Variants in ECPAS observed in about 807,000 individuals in gnomAD.
ECPAS encodes the protein proteasome adapter and scaffold protein ECM29.
A neutral mutation model predicts 255.1 loss-of-function variants in ECPAS; 70 were observed. The ratio of observed to expected loss-of-function variants is 0.27; its 90% CI spans 0.23 to 0.33. The LOEUF (loss-of-function observed/expected upper bound fraction) is 0.33. Among genes scored for constraint, ECPAS ranks in the 10% least tolerant of loss-of-function variants. The pLI, the probability that ECPAS is intolerant of heterozygous loss-of-function variation, is 1.00. For missense variants in ECPAS, 1,817 were observed against 2,206.4 expected, an observed-to-expected ratio of 0.82 and a Z score of 3.54; for synonymous variants, 784 against 775.0, an observed-to-expected ratio of 1.01 and a Z score of -0.19.
intron 29 of ECPAS, 150 bp from the exon 30 acceptor site, chr9:111,390,251 T>C: frequency 1.9e-6 from 1 of 518,966 alleles, no homozygotes; most frequent in Non-Finnish European, 3.5e-6. Flanking sequence ...AGAACACAAG[T>C]TAGTAAGAAT....
At chr9:111,382,259 ACT>A (rs1491244251) in intron 35 of ECPAS, among the ~76,000 whole-genome samples, 35 of 106,952 alleles carry the variant, frequency 3.3e-4, no homozygotes, top group Non-Finnish European at 5.2e-4. Flanking sequence ...AAAAAGTGAT[ACT>A]TTTTTTTTTT....
intron 2 of ECPAS, among the ~76,000 whole-genome samples, chr9:111,458,926 C>T (rs7038405): frequency 1.3e-5 from 2 of 151,840 alleles, no homozygotes; most frequent in African/African-American, 4.8e-5. Flanking sequence ...CATAAATACA[C>T]GGCTTTCCTG....
At chr9:111,376,590 T>C in intron 36 of ECPAS, 49 bp from the exon 37 acceptor site, 1 of 1,398,292 alleles carries the variant, frequency 7.2e-7, no homozygotes, top group African/African-American at 1.4e-5. Context: ...TAATTAGGAA[T>C]AATCCGCACA....
chr9:111,390,480 A>G (rs890594241), intron 29 of ECPAS, among the ~76,000 whole-genome samples: 5 of 152,220 alleles, frequency 3.3e-5, no homozygotes, highest in African/African-American at 1.2e-4. Context: ...TCTAAGCTAG[A>G]CCACCCTAAT....
chr9:111,459,851 A>C (rs1010994890), intron 2 of ECPAS, among the ~76,000 whole-genome samples: 2 of 152,206 alleles, frequency 1.3e-5, no homozygotes, highest in Non-Finnish European at 2.9e-5. Flanking sequence ...GGACCTTATG[A>C]ATTCGCTGGT....
At chr9:111,419,195 A>G (rs1177855717) in intron 16 of ECPAS, among the ~76,000 whole-genome samples, 1 of 152,222 alleles carries the variant, frequency 6.6e-6, no homozygotes, top group Admixed American at 6.5e-5. Context: ...CACAGAATGC[A>G]TAATTTTATT....
At chr9:111,411,252 C>T in intron 21 of ECPAS, 110 bp from the exon 22 acceptor site, 16 of 1,142,588 alleles carry the variant, frequency 1.4e-5, no homozygotes, top group Non-Finnish European at 2.0e-5. Flanking sequence ...AAACATAAGG[C>T]TAAAGAATAA....
At chr9:111,416,404 C>G (rs1040031086) in intron 17 of ECPAS, 52 bp from the exon 18 acceptor site, 17 of 1,320,390 alleles carry the variant, frequency 1.3e-5, no homozygotes, top group Non-Finnish European at 1.9e-5. Flanking sequence ...TGAAGCATAC[C>G]TGCCCTTCCT....
chr9:111,374,371 G>C (rs2098130957), intron 38 of ECPAS, among the ~76,000 whole-genome samples: 1 of 152,106 alleles, frequency 6.6e-6, no homozygotes, highest in Non-Finnish European at 1.5e-5. Context: ...TGTGCCTGAA[G>C]ACACTCATCA....
intron 36 of ECPAS, 72 bp from the exon 37 acceptor site, chr9:111,376,613 A>C (rs1305206553): frequency 3.6e-6 from 4 of 1,111,906 alleles, no homozygotes; most frequent in Non-Finnish European, 5.3e-6. Flanking sequence ...CACCCATAAA[A>C]GACTTTCACT....
chr9:111,444,109 A>G (rs562782252), intron 4 of ECPAS, among the ~76,000 whole-genome samples: 3 of 152,284 alleles, frequency 2.0e-5, no homozygotes, highest in South Asian at 2.1e-4. Context: ...ATTCTTTTAT[A>G]TAACAACATA....
chr9:111,459,842 G>C (rs2132012272), intron 2 of ECPAS, among the ~76,000 whole-genome samples: 1 of 152,204 alleles, frequency 6.6e-6, no homozygotes, highest in Admixed American at 6.5e-5. Flanking sequence ...AAAATGGCAG[G>C]ACCTTATGAA....
At chr9:111,363,517 G>A (rs896548769) in intron 49 of ECPAS, 71 bp downstream of exon 49, 6 of 903,500 alleles carry the variant, frequency 6.6e-6, no homozygotes, top group South Asian at 2.8e-5. Context: ...AAGCAAAAAC[G>A]AAACAAAAAA....
At chr9:111,421,728 C>A (rs1166401086) in intron 15 of ECPAS, among the ~76,000 whole-genome samples, 193 bp downstream of exon 15, 8 of 152,216 alleles carry the variant, frequency 5.3e-5, no homozygotes, top group African/African-American at 1.4e-4. Flanking sequence ...TAAACATAAG[C>A]ATCGCTATGA....
rs1054992577 is a variant in ECPAS, at chr9:111,387,193, A to T, written c.3448-737T>A. On this transcript the variant is annotated intron_variant, in intron 31 of 49. Coordinates refer to ENST00000684092, the MANE Select transcript of ECPAS (RefSeq NM_001364929.1). The stretch of plus-strand genomic sequence containing the variant: ...ATCATCAGTGCAGTTATTGAGGGAC[A>T]GTGTCTCACTCATCATCAGTGCAGT... 3.3e-5 allele frequency among the ~76,000 whole-genome samples: 5 copies of T among 151,942 alleles called. 1 individual carries two copies. The South Asian group carries it at 6.2e-4, about 19-fold the overall frequency.
At chr9:111,440,589 C>A in intron 5 of ECPAS, 68 bp from the exon 6 acceptor site, 1 of 1,267,102 alleles carries the variant, frequency 7.9e-7, no homozygotes, top group South Asian at 1.5e-5. Context: ...AAAACACAGA[C>A]AAAACAAAAA....
intron 2 of ECPAS, among the ~76,000 whole-genome samples, chr9:111,462,014 A>T (rs564265248): frequency 6.6e-6 from 1 of 152,332 alleles, no homozygotes; most frequent in African/African-American, 2.4e-5. Context: ...CTCCCACAGC[A>T]CATGGGAATT....
rs1197575555 is a variant in ECPAS at position 111,410,292 on chromosome 9, T to A, written c.2378-79A>T. On this transcript the variant is annotated intron_variant, in intron 22 of 49. Coordinates refer to ENST00000684092, the MANE Select transcript of ECPAS (RefSeq NM_001364929.1). ...AAAGCAACCAGTGATGTACTCAAGG[T>A]TTTTTTTAAGACGGCAAAATAAAAT... is the stretch of plus-strand genomic sequence containing the variant. The A allele has an allele frequency of 3.4e-5, 42 of 1,236,954 alleles. 1 individual carries two copies. Among genetic ancestry groups the A allele is most frequent in the Non-Finnish European group, 4.0e-5 (36 of 906,314 alleles). 76.6% of individuals were successfully genotyped at this position (1,236,954 alleles called of 1,614,324 possible).
At chr9:111,463,759 A>C (rs530909756) in intron 2 of ECPAS, among the ~76,000 whole-genome samples, 3 of 152,338 alleles carry the variant, frequency 2.0e-5, no homozygotes, top group African/African-American at 7.2e-5. Context: ...CATCAGAAAA[A>C]AAAAGATTCA....
Sources: allele counts gnomAD v4.1 joint callset (sites outside exome capture counted in the v4.1 genomes callset), GRCh38; gene constraint gnomAD v4.1.1; transcripts MANE v1.5; gene names NCBI Gene and HGNC (gene_info 2026-07-23, HGNC 2026-07-21).